The following ASH1L variants were observed in gnomAD, a reference collection of about 807,000 sequenced individuals.
ASH1L encodes the protein histone-lysine N-methyltransferase ASH1L.
ASH1L carries 23 observed loss-of-function variants against 269.0 expected under a neutral mutation model. The observed-to-expected ratio is 0.09, with a 90% CI of 0.06 to 0.12. The LOEUF (loss-of-function observed/expected upper bound fraction) is 0.12, where lower values mean the gene tolerates loss of function less well. Ranked by LOEUF, ASH1L falls within the 10% of genes least tolerant of loss-of-function variation. The pLI is 1.00. For synonymous variants in ASH1L, 1,187 were observed against 1,253.5 expected, an observed-to-expected ratio of 0.95 and a Z score of 1.12; for missense variants, 2,912 against 3,567.8, an observed-to-expected ratio of 0.82 and a Z score of 4.68.
intron 7 of ASH1L, among the ~76,000 whole-genome samples, chr1:155,389,071 T>C (rs1181602633): frequency 2.0e-5 from 3 of 151,344 alleles, no homozygotes; most frequent in Non-Finnish European, 4.4e-5. Flanking sequence ...AATGGTGTGA[T>C]CCTGGCTCAT....
intron 1 of ASH1L, among the ~76,000 whole-genome samples, chr1:155,558,913 C>T (rs1291204979): frequency 1.3e-5 from 2 of 148,464 alleles, no homozygotes; most frequent in East Asian, 2.0e-4. Flanking sequence ...TGGTGGATCT[C>T]GGCTCACTGC....
rs1001525917 is a variant in ASH1L, at chr1:155,493,198, T to C, written c.421-10749A>G. 2.0e-5 allele frequency among the ~76,000 whole-genome samples: 3 copies of C among 152,208 alleles called. 1 individual carries two copies. The highest frequency in any genetic ancestry group is 7.2e-5 in the African/African-American group (3 of 41,454). On this transcript the variant is annotated intron_variant, in intron 2 of 27. Coordinates refer to ENST00000392403, the MANE Select transcript of ASH1L (RefSeq NM_018489.3). ...AATTGTGCAAATATCACCACTACTT[T>C]AATAACCTTTTCATCGGACTGTTTT...
At chr1:155,425,130 C>A (rs561867679) in intron 5 of ASH1L, among the ~76,000 whole-genome samples, 2 of 151,710 alleles carry the variant, frequency 1.3e-5, no homozygotes, top group South Asian at 2.1e-4. Context: ...CAACCATGCC[C>A]GGCTAATTTT....
intron 10 of ASH1L, 60 bp downstream of exon 10, chr1:155,378,220 AG>A (rs1656635863): frequency 7.6e-7 from 1 of 1,312,678 alleles, no homozygotes; most frequent in Non-Finnish European, 1.1e-6. Flanking sequence ...TACCCTCCAA[AG>A]GAAGTGTTGT....
chr1:155,460,644 C>T (rs1664232675), intron 3 of ASH1L, among the ~76,000 whole-genome samples: 1 of 152,014 alleles, frequency 6.6e-6, no homozygotes, highest in Non-Finnish European at 1.5e-5. Flanking sequence ...CTTAAACCCA[C>T]ACATCCTATC....
intron 1 of ASH1L, among the ~76,000 whole-genome samples, chr1:155,542,145 TTG>T (rs1235738404): frequency 6.6e-6 from 1 of 152,194 alleles, no homozygotes; most frequent in Non-Finnish European, 1.5e-5. Context: ...GAATGTAGGA[TTG>T]TGTTTCCGAG....
At chr1:155,400,459 T>C (rs1658736152) in intron 6 of ASH1L, among the ~76,000 whole-genome samples, 2 of 152,198 alleles carry the variant, frequency 1.3e-5, no homozygotes, top group Non-Finnish European at 1.5e-5. Flanking sequence ...ACTTCATGTA[T>C]GGAAAGCATT....
chr1:155,480,514 T>C lies in ASH1L; in HGVS notation c.2356A>G (p.Thr786Ala). ...KRRLPKLSKS[T>A]APSLALLADS... ...GCTAAGAGAGCAAGAGATGGAGCTGTGGATTTGCTCAACTTTGGCAATCGG... is the reference window on the plus strand; with the variant it reads ...GCTAAGAGAGCAAGAGATGGAGCTGCGGATTTGCTCAACTTTGGCAATCGG... Residue 786 changes from threonine (T) to alanine (A), a missense_variant, in exon 3 of 28, where the codon ACA (threonine) becomes GCA (alanine). Physicochemically the swap from Thr to Ala is moderately conservative, Grantham distance 58 (BLOSUM62 0). This residue lies in a region of ASH1L where 715 missense variants were observed against 721.0 expected (regional missense o/e 0.99). Coordinates refer to ENST00000392403, the MANE Select transcript of ASH1L (RefSeq NM_018489.3). 1 of 1,614,126 alleles carries C rather than the reference T, an allele frequency of 6.2e-7. No homozygotes were observed. Among genetic ancestry groups the C allele is most frequent in the African/African-American group, 1.3e-5 (1 of 75,048 alleles).
At chr1:155,556,401 C>CCTGTGTGTGT (rs1491493444) in intron 1 of ASH1L, among the ~76,000 whole-genome samples, 5 of 140,456 alleles carry the variant, frequency 3.6e-5, no homozygotes, top group African/African-American at 1.3e-4. Flanking sequence ...CATATATATA[C>CCTGTGTGTGT]GTGTGTGTGT....
chr1:155,459,955 G>A, intron 3 of ASH1L, 57 bp from the exon 4 acceptor site: 1 of 1,344,422 alleles, frequency 7.4e-7, no homozygotes, highest in South Asian at 1.4e-5. Context: ...AAAATAATGT[G>A]AAACCATCTT....
rs533321224 is a variant in ASH1L at position 155,460,026 on chromosome 1, G to A, written c.4985-128C>T. The A allele has an allele frequency of 4.7e-6, 3 of 634,868 alleles. No homozygotes were observed. The South Asian group carries it at 6.4e-5, about 14-fold the overall frequency. The allele number at this position is 634,868 out of a possible 1,614,324, so 39.3% of individuals were successfully genotyped here. ...GTCATCCCCTGTAATAACATGACTT[G>A]TAACCTGATATTAGGAGGAAAATAA... On this transcript the variant is annotated intron_variant, in intron 3 of 27. Coordinates refer to ENST00000392403, the MANE Select transcript of ASH1L (RefSeq NM_018489.3).
chr1:155,419,679 G>T (rs1660511406), intron 5 of ASH1L, among the ~76,000 whole-genome samples: 1 of 152,148 alleles, frequency 6.6e-6, no homozygotes, highest in Non-Finnish European at 1.5e-5. Flanking sequence ...CCAGATATTT[G>T]ATTTGCCTCA....
chr1:155,339,079 G>A (rs1230789375), intron 26 of ASH1L, among the ~76,000 whole-genome samples: 1 of 152,194 alleles, frequency 6.6e-6, no homozygotes, highest in Non-Finnish European at 1.5e-5. Flanking sequence ...ACTTTTCTGA[G>A]TCTGGAGTTC....
chr1:155,335,677 G>GC lies in ASH1L; in HGVS notation c.*1982_*1983insG, dbSNP rs1033661590. The GC allele has an allele frequency of 6.6e-6, 1 of 151,720 alleles. No homozygotes were observed. The highest frequency in any genetic ancestry group is 1.5e-5 in the Non-Finnish European group (1 of 67,760). 9.4% of individuals were successfully genotyped at this position (151,720 alleles called of 1,614,324 possible). ...ATTTGATTGTCTAAAAAACATTTCA[G>GC]TTTTTTTTTAGTCTTTCAACAAAAG... is the stretch of plus-strand genomic sequence containing the variant. On this transcript the variant is annotated 3_prime_UTR_variant, in exon 28 of 28. Coordinates refer to ENST00000392403, the MANE Select transcript of ASH1L (RefSeq NM_018489.3).
At chr1:155,500,185 A>T (rs1667413749) in intron 2 of ASH1L, among the ~76,000 whole-genome samples, 1 of 152,230 alleles carries the variant, frequency 6.6e-6, no homozygotes, top group Admixed American at 6.5e-5. Flanking sequence ...AAAGAGTGAC[A>T]TCCTGTTTTA....
chr1:155,493,070 G>C (rs574737465), intron 2 of ASH1L, among the ~76,000 whole-genome samples: 25 of 152,272 alleles, frequency 1.6e-4, no homozygotes, highest in African/African-American at 5.3e-4. Flanking sequence ...GGCTACCTCA[G>C]CCTCCCAAAG....
intron 2 of ASH1L, among the ~76,000 whole-genome samples, chr1:155,515,174 G>C (rs1668413788): frequency 6.6e-6 from 1 of 152,082 alleles, no homozygotes; most frequent in Non-Finnish European, 1.5e-5. Flanking sequence ...CGCCAGCACT[G>C]ATCAACAAAA....
At chr1:155,453,290 G>A (rs980224417) in intron 4 of ASH1L, among the ~76,000 whole-genome samples, 6 of 152,124 alleles carry the variant, frequency 3.9e-5, no homozygotes, top group African/African-American at 1.2e-4. Context: ...GGGAGGCAAA[G>A]GCTGCAGTGA....
At chr1:155,383,620 T>C (rs554577837) in intron 7 of ASH1L, among the ~76,000 whole-genome samples, 2 of 152,346 alleles carry the variant, frequency 1.3e-5, no homozygotes, top group Admixed American at 6.5e-5. Flanking sequence ...TCTCAGAATG[T>C]ATCCTCATCG....
Sources: gnomAD v4.1 joint callset for allele counts (sites outside exome capture counted in the v4.1 genomes callset) on GRCh38, gnomAD v4.1.1 for gene constraint, gnomAD v4.1.1 regional missense constraint, MANE v1.5 for transcripts, NCBI Gene and HGNC (gene_info 2026-07-23, HGNC 2026-07-21) for gene names.